Variants in VAMP7 observed in about 807,000 individuals in gnomAD.
VAMP7 encodes the protein vesicle-associated membrane protein 7.
In VAMP7, 14 loss-of-function variants were observed where a neutral mutation model predicts 29.6. The observed-to-expected ratio is 0.47, with a 90% CI of 0.31 to 0.74. The LOEUF (loss-of-function observed/expected upper bound fraction) is 0.74. VAMP7 is among the 30% of genes least tolerant of loss of function. The pLI is 0.05. For synonymous variants in VAMP7, 95 were observed against 88.1 expected (o/e 1.08, Z -0.44); for missense variants, 223 against 262.4 (o/e 0.85, Z 1.04).
chrX:155,938,851 A>G lies in VAMP7; in HGVS notation c.502-850A>G, dbSNP rs1055452907. On this transcript the variant is annotated intron_variant, in intron 6 of 7. Transcript: ENST00000286448. Reference sequence around the variant, plus strand: ...ATAAAATATAGCAGGTATTCTGTTTATGTCAAGTTTCTATTGCTCAAAATG... The same window carrying G: ...ATAAAATATAGCAGGTATTCTGTTTGTGTCAAGTTTCTATTGCTCAAAATG... 2.0e-5 allele frequency among the ~76,000 whole-genome samples: 3 copies of G among 152,168 alleles called. No individual in the cohort carries two copies. The East Asian group carries it at 5.8e-4, about 29-fold the overall frequency.
chrX:155,904,296 TA>T (rs1244889334), intron 5 of VAMP7, among the ~76,000 whole-genome samples: 1 of 151,702 alleles, frequency 6.6e-6, no homozygotes, highest in East Asian at 1.9e-4. Context: ...ATGGCACATG[TA>T]TACATATGTA....
chrX:155,898,186 A>G lies in VAMP7; in HGVS notation c.279A>G (p.Arg93=). 2 of 1,613,652 alleles carry G rather than the reference A, an allele frequency of 1.2e-6. No individual in the cohort carries two copies. Among genetic ancestry groups the G allele is most frequent in the African/African-American group, 1.3e-5 (1 of 75,020 alleles). The change falls in exon 4 of 8, where the codon AGA becomes AGG. Residue 93 remains arginine (R), a synonymous_variant. Coordinates refer to ENST00000286448, the MANE Select transcript of VAMP7 (RefSeq NM_005638.6). ...KKRFQTTYGS[R]AQTALPYAMN... ...GGTTCCAGACTACTTACGGTTCAAG[A>G]GCACAGACAGCACTTCCATATGCCA... is the stretch of plus-strand genomic sequence containing the variant.
chrX:155,891,060 G>T (rs2065920538), intron 2 of VAMP7, among the ~76,000 whole-genome samples: 2 of 152,128 alleles, frequency 1.3e-5, no homozygotes, highest in Non-Finnish European at 2.9e-5. Context: ...ATATCCCAGT[G>T]CTTGCCCAGT....
chrX:155,889,934 A>G (rs892521707), intron 2 of VAMP7, among the ~76,000 whole-genome samples: 2 of 152,114 alleles, frequency 1.3e-5, no homozygotes, highest in South Asian at 4.2e-4. Context: ...TCATTCTTTC[A>G]GTAAATATTT....
In VAMP7 at chrX:155,943,517, A is replaced by C. The variant is rs1404396343; in HGVS notation, c.*1566A>C. On this transcript the variant is annotated 3_prime_UTR_variant, in exon 8 of 8. Coordinates refer to ENST00000286448, the MANE Select transcript of VAMP7 (RefSeq NM_005638.6). ...ATTGCATCAGTATTTCCTATTGGAA[A>C]ATACATCTGTTCCAGAAAAACATTT... 6.6e-6 allele frequency: 1 copy of C among 152,512 alleles called. No homozygotes were observed. Among genetic ancestry groups the C allele is most frequent in the Non-Finnish European group, 1.5e-5 (1 of 68,028 alleles). The allele number at this position is 152,512 out of a possible 1,614,324, so 9.4% of individuals were successfully genotyped here.
intron 5 of VAMP7, among the ~76,000 whole-genome samples, chrX:155,902,772 A>T (rs2066084820): frequency 6.7e-6 from 1 of 149,712 alleles, no homozygotes; most frequent in Admixed American, 6.6e-5. Context: ...TCGGTTTGCC[A>T]GTATTTTATT....
chrX:155,888,246 A>G (rs970268318), intron 1 of VAMP7, among the ~76,000 whole-genome samples: 4 of 152,176 alleles, frequency 2.6e-5, no homozygotes, highest in Non-Finnish European at 5.9e-5. Flanking sequence ...TTGATCTCAA[A>G]CAGTTTATAG....
intron 1 of VAMP7, among the ~76,000 whole-genome samples, chrX:155,884,688 A>G (rs2065845935): frequency 3.3e-5 from 5 of 152,208 alleles, no homozygotes; most frequent in Admixed American, 2.6e-4. Context: ...ATTGTGTGCC[A>G]TTGCTCGTTT....
In VAMP7 at chrX:155,898,121, C is replaced by T. The variant is rs763365685; in HGVS notation, c.214C>T (p.Arg72Cys). The T allele has an allele frequency of 9.3e-6, 15 of 1,607,938 alleles. No individual in the cohort carries two copies. The highest frequency in any genetic ancestry group is 5.5e-5 in the South Asian group (5 of 90,252). ...YLCITDDDFE[R>C]SRAFNFLNEI... is the part of the protein sequence containing the mutation. ...GTTGATCTCTTTTCAGGATTTTGAA[C>T]GTTCCCGAGCCTTTAATTTTCTGAA... The change falls in exon 4 of 8, where the codon CGT (arginine) becomes TGT (cysteine). Residue 72 changes from arginine to cysteine, a missense_variant. Coordinates refer to ENST00000286448, the MANE Select transcript of VAMP7 (RefSeq NM_005638.6).
chrX:155,914,375 C>G (rs1474623511), intron 5 of VAMP7, among the ~76,000 whole-genome samples: 1 of 152,092 alleles, frequency 6.6e-6, no homozygotes, highest in Non-Finnish European at 1.5e-5. Context: ...CCTGATTGCC[C>G]TGGACAGAAC....
rs764329919 is a variant in VAMP7, at chrX:155,943,248, C to A, written c.*1297C>A. 6.6e-6 allele frequency: 1 copy of A among 151,624 alleles called. No individual in the cohort carries two copies. The highest frequency in any genetic ancestry group is 1.5e-5 in the Non-Finnish European group (1 of 67,882). 9.4% of individuals were successfully genotyped at this position (151,624 alleles called of 1,614,324 possible). A position where few individuals can be genotyped will look rare whatever the true frequency, so the allele number is the denominator to read the frequency against. On this transcript the variant is annotated 3_prime_UTR_variant, in exon 8 of 8. Coordinates refer to ENST00000286448, the MANE Select transcript of VAMP7 (RefSeq NM_005638.6). ...GAAATTATATTACATTTTACACTTT[C>A]TCAATGAATGAACAAATTAGTCTGT...
At chrX:155,889,721 G>C (rs2065904837) in intron 2 of VAMP7, 109 bp downstream of exon 2, 1 of 1,278,608 alleles carries the variant, frequency 7.8e-7, no homozygotes, top group East Asian at 2.6e-5. Flanking sequence ...ATTTGAATAA[G>C]CTGACAGAAT....
At chrX:155,904,423 A>G (rs1432534564) in intron 5 of VAMP7, among the ~76,000 whole-genome samples, 1 of 152,186 alleles carries the variant, frequency 6.6e-6, no homozygotes, top group African/African-American at 2.4e-5. Flanking sequence ...ATTCCCTTTC[A>G]TTTTTTTAAC....
At chrX:155,883,165 G>C (rs1457484835) in intron 1 of VAMP7, among the ~76,000 whole-genome samples, 1 of 152,094 alleles carries the variant, frequency 6.6e-6, no homozygotes, top group East Asian at 1.9e-4. Flanking sequence ...CAGTATATAC[G>C]TGTTGAACTG....
rs1344950757 is a variant in VAMP7, at chrX:155,883,758, T to C, written c.-10+2310T>C. 2.7e-5 allele frequency among the ~76,000 whole-genome samples: 4 copies of C among 150,084 alleles called. No individual in the cohort carries two copies. The Admixed American group carries it at 2.7e-4, about 10-fold the overall frequency. On this transcript the variant is annotated intron_variant, in intron 1 of 7. Coordinates refer to ENST00000286448, the MANE Select transcript of VAMP7 (RefSeq NM_005638.6). ...CGGAGTCTCACTCCGTTGCCTGGGC[T>C]GGAGTGCAGCGGCGCGATCTCGGCT...
intron 5 of VAMP7, among the ~76,000 whole-genome samples, chrX:155,916,248 T>C (rs2066311423): frequency 6.6e-6 from 1 of 152,184 alleles, no homozygotes; most frequent in Non-Finnish European, 1.5e-5. Flanking sequence ...CCTGTGTGTG[T>C]CTTTGCACAT....
At chrX:155,917,528 CCTTT>C (rs1277571206) in intron 5 of VAMP7, among the ~76,000 whole-genome samples, 1 of 152,094 alleles carries the variant, frequency 6.6e-6, no homozygotes, top group Non-Finnish European at 1.5e-5. Flanking sequence ...TGATGCTATT[CCTTT>C]CTGTTTGTTA....
At chrX:155,937,605 G>C (rs1254067091) in intron 6 of VAMP7, among the ~76,000 whole-genome samples, 1 of 152,156 alleles carries the variant, frequency 6.6e-6, no homozygotes, top group Admixed American at 6.5e-5. Flanking sequence ...CAAAAGCTTG[G>C]AGGTCTGAAA....
At chrX:155,925,921 C>T (rs1036105148) in intron 6 of VAMP7, among the ~76,000 whole-genome samples, 3 of 152,128 alleles carry the variant, frequency 2.0e-5, no homozygotes, top group Admixed American at 6.5e-5. Context: ...CCTCGTAAGT[C>T]TCCATCAGAG....
Sources: allele counts gnomAD v4.1 joint callset (sites outside exome capture counted in the v4.1 genomes callset), GRCh38; gene constraint gnomAD v4.1.1; transcripts MANE v1.5; gene names NCBI Gene and HGNC (gene_info 2026-07-23, HGNC 2026-07-21).